The following IGSF3 variants were observed in gnomAD, a reference collection of about 807,000 sequenced individuals.
The protein encoded by IGSF3 is glu-Trp-Ile EWI motif-containing protein 3.
IGSF3 carries 23 observed loss-of-function variants against 114.4 expected under a neutral mutation model. That is an observed-to-expected ratio of 0.20 (90% CI 0.14 to 0.28). The LOEUF is 0.28. Among genes scored for constraint, IGSF3 ranks in the 10% least tolerant of loss-of-function variants. IGSF3 has a pLI of 1.00. For missense variants in IGSF3, 1,172 were observed against 1,591.5 expected, an observed-to-expected ratio of 0.74 and a Z score of 4.48; for synonymous variants, 571 against 645.2, an observed-to-expected ratio of 0.88 and a Z score of 1.74.
Position 116,614,162 on chromosome 1 carries a change from G to C in IGSF3, c.435C>G (p.Ser145=). ...AKMNLVVIPD[S]LQTTAMPQTL... The stretch of plus-strand genomic sequence containing the variant: ...TCTGGGGCATGGCAGTGGTCTGCAG[G>C]GAGTCTGGGATCACTGCAACACAGA... Residue 145 remains serine, a synonymous_variant, in exon 4 of 11, where the codon TCC becomes TCG. Coordinates refer to ENST00000369486, the MANE Select transcript of IGSF3 (RefSeq NM_001007237.3). This position sits in a 1 kb window ranked among gnomAD's most constrained non-coding sequence, Gnocchi z 4.5. 6.2e-7 allele frequency: 1 copy of C among 1,609,056 alleles called. No homozygotes were observed. Among genetic ancestry groups the C allele is most frequent in the Non-Finnish European group, 8.5e-7 (1 of 1,176,480 alleles).
chr1:116,619,407 T>C (rs1156402861), intron 2 of IGSF3, among the ~76,000 whole-genome samples: 1 of 152,180 alleles, frequency 6.6e-6, no homozygotes, highest in Non-Finnish European at 1.5e-5. Context: ...TCAACTTGTC[T>C]AGGCTGGAAG....
chr1:116,642,467 G>C lies in IGSF3; in HGVS notation c.43+23817C>G, dbSNP rs1016620410. Among the ~76,000 whole-genome samples, 9 of 152,250 alleles carry C rather than the reference G, an allele frequency of 5.9e-5. No homozygotes were observed. The East Asian group carries it at 1.5e-3, about 26-fold the overall frequency. ...GGAAGGGGCTCAGGCACTGGGAGTCGGTCAGGGCTCCCAGAATGTAAAAGA... is the reference window on the plus strand; with the variant it reads ...GGAAGGGGCTCAGGCACTGGGAGTCCGTCAGGGCTCCCAGAATGTAAAAGA... On this transcript the variant is annotated intron_variant, in intron 2 of 10. Transcript: ENST00000369486. This position sits in a 1 kb window ranked among gnomAD's most constrained non-coding sequence, Gnocchi z 5.4.
In IGSF3 at chr1:116,575,924, G is replaced by GA. The variant is rs1659322577; in HGVS notation, c.*1387dup. ...ACAAGAGAGATCAAGAAAGGGAAAGGAAAAATCCCACAGACAATGCCTTGT... is the reference window on the plus strand; with the variant it reads ...ACAAGAGAGATCAAGAAAGGGAAAGGAAAAAATCCCACAGACAATGCCTTGT... On this transcript the variant is annotated 3_prime_UTR_variant, in exon 11 of 11. Transcript: ENST00000369486. This position sits in a 1 kb window ranked among gnomAD's most constrained non-coding sequence, Gnocchi z 5.6. 6.6e-6 allele frequency: 1 copy of GA among 152,114 alleles called. No individual in the cohort carries two copies. Among genetic ancestry groups the GA allele is most frequent in the Non-Finnish European group, 1.5e-5 (1 of 68,066 alleles). The allele number at this position is 152,114 out of a possible 1,614,324, so 9.4% of individuals were successfully genotyped here.
chr1:116,644,223 C>G lies in IGSF3; in HGVS notation c.43+22061G>C, dbSNP rs1050820569. ...ACAGAAACACCACAGCAGAGCAGAA[C>G]TGCAACCTGATAGCATCCCTGTCTG... On this transcript the variant is annotated intron_variant, in intron 2 of 10. Coordinates refer to ENST00000369486, the MANE Select transcript of IGSF3 (RefSeq NM_001007237.3). This position sits in a 1 kb window ranked among gnomAD's most constrained non-coding sequence, Gnocchi z 5.6. Among the ~76,000 whole-genome samples the G allele has an allele frequency of 6.6e-6, 1 of 152,262 alleles. No homozygotes were observed. Among genetic ancestry groups the G allele is most frequent in the Non-Finnish European group, 1.5e-5 (1 of 68,046 alleles).
In IGSF3 at chr1:116,654,935, C is replaced by T. The variant is rs962058381; in HGVS notation, c.43+11349G>A. On this transcript the variant is annotated intron_variant, in intron 2 of 10. Transcript: ENST00000369486. The surrounding 1 kb of genome is among the most constrained non-coding windows in gnomAD (Gnocchi z 4.4). ...CATCATCTTACTCCTACAGATACCC[C>T]CTCTTCCTGGTGGCACCGGGCATTG... 5.9e-5 allele frequency among the ~76,000 whole-genome samples: 9 copies of T among 152,106 alleles called. No individual in the cohort carries two copies. The highest frequency in any genetic ancestry group is 2.2e-4 in the African/African-American group (9 of 41,380).
intron 2 of IGSF3, among the ~76,000 whole-genome samples, chr1:116,663,498 CAGAGCCA>C (rs1649197774): frequency 6.7e-6 from 1 of 148,734 alleles, no homozygotes; most frequent in East Asian, 2.2e-4. Context: ...GTTGTGGTGG[CAGAGCCA>C]TGCACTGCCA....
In IGSF3 at chr1:116,584,935, T is replaced by G; in HGVS notation, c.2558A>C (p.Glu853Ala). The G allele has an allele frequency of 6.2e-7, 1 of 1,613,358 alleles. No homozygotes were observed. Among genetic ancestry groups the G allele is most frequent in the Non-Finnish European group, 8.5e-7 (1 of 1,179,332 alleles). Residue 853 changes from glutamate (E) to alanine (A), a missense_variant, in exon 9 of 11, where the codon GAA (glutamate) becomes GCA (alanine). By Grantham distance (107) the Glu-to-Ala change is moderately radical. Coordinates refer to ENST00000369486, the MANE Select transcript of IGSF3 (RefSeq NM_001007237.3). The surrounding 1 kb of genome is among the most constrained non-coding windows in gnomAD (Gnocchi z 5.8). ...GTGGTTGGGCTTCCATACAAACCAT[T>G]CCACCATGAGCTGGGAGGTTATGCT... is the stretch of plus-strand genomic sequence containing the variant. ...RTSITSQLMV[E>A]WFVWKPNHPE...
Position 116,596,396 on chromosome 1 carries a change from A to G in IGSF3, c.2029+3545T>C, listed in dbSNP as rs1660347496. On this transcript the variant is annotated intron_variant, in intron 7 of 10. Coordinates refer to ENST00000369486, the MANE Select transcript of IGSF3 (RefSeq NM_001007237.3). This position sits in a 1 kb window ranked among gnomAD's most constrained non-coding sequence, Gnocchi z 4.1. ...GGGCAAGGTACGCAGGGAGAGCAAA[A>G]GAAGAGAGGACAGCGCTGGTTCGGA... 6.6e-6 allele frequency among the ~76,000 whole-genome samples: 1 copy of G among 152,224 alleles called. No individual in the cohort carries two copies. The highest frequency in any genetic ancestry group is 2.4e-5 in the African/African-American group (1 of 41,460).
intron 2 of IGSF3, among the ~76,000 whole-genome samples, chr1:116,646,542 T>C (rs1648381285): frequency 1.3e-5 from 2 of 152,274 alleles, no homozygotes; most frequent in African/African-American, 4.8e-5. Context: ...CTTAATTCAT[T>C]GAGAAGGCAG....
chr1:116,649,183 GC>G lies in IGSF3; in HGVS notation c.43+17100del, dbSNP rs1391456865. On this transcript the variant is annotated intron_variant, in intron 2 of 10. Coordinates refer to ENST00000369486, the MANE Select transcript of IGSF3 (RefSeq NM_001007237.3). The surrounding 1 kb of genome is among the most constrained non-coding windows in gnomAD (Gnocchi z 4.5). Reference sequence around the variant, plus strand: ...AAGGACAGCCCTCCCCGTCTTGGCAGCCACACTTTCTGGCCCTAGCCCAAGG... The same window carrying G: ...AAGGACAGCCCTCCCCGTCTTGGCAGCACACTTTCTGGCCCTAGCCCAAGG... Among the ~76,000 whole-genome samples, 1 of 152,232 alleles carries G rather than the reference GC, an allele frequency of 6.6e-6. No homozygotes were observed. The highest frequency in any genetic ancestry group is 2.4e-5 in the African/African-American group (1 of 41,456).
rs1661288167 is a variant in IGSF3, at chr1:116,618,190, G to C, written c.44-1733C>G. On this transcript the variant is annotated intron_variant, in intron 2 of 10. Transcript: ENST00000369486. The surrounding 1 kb of genome is among the most constrained non-coding windows in gnomAD (Gnocchi z 4.7). ...TTCCTCACAAACAAAATCTTACACAGAACCCCATCTTGGCTTCAGCAGAAT... is the reference window on the plus strand; with the variant it reads ...TTCCTCACAAACAAAATCTTACACACAACCCCATCTTGGCTTCAGCAGAAT... Among the ~76,000 whole-genome samples the C allele has an allele frequency of 6.6e-6, 1 of 152,178 alleles. No homozygotes were observed. Among genetic ancestry groups the C allele is most frequent in the Admixed American group, 6.5e-5 (1 of 15,282 alleles).
rs1159979792 is a variant in IGSF3, at chr1:116,661,386, G to A, written c.43+4898C>T. On this transcript the variant is annotated intron_variant, in intron 2 of 10. Coordinates refer to ENST00000369486, the MANE Select transcript of IGSF3 (RefSeq NM_001007237.3). The surrounding 1 kb of genome is among the most constrained non-coding windows in gnomAD (Gnocchi z 4.0). ...AATGAACATGACAGATGGTCTTCAA[G>A]AATTTTATACAGAAGGTCATGCTAT... Among the ~76,000 whole-genome samples the A allele has an allele frequency of 6.6e-6, 1 of 152,206 alleles. No individual in the cohort carries two copies. The highest frequency in any genetic ancestry group is 1.9e-4 in the East Asian group (1 of 5,204).
chr1:116,579,962 T>C lies in IGSF3; in HGVS notation c.2849-85A>G. The C allele has an allele frequency of 1.7e-6, 2 of 1,170,878 alleles. No individual in the cohort carries two copies. Among genetic ancestry groups the C allele is most frequent in the Non-Finnish European group, 2.4e-6 (2 of 846,030 alleles). 72.5% of individuals were successfully genotyped at this position (1,170,878 alleles called of 1,614,324 possible). On this transcript the variant is annotated intron_variant, in intron 9 of 10. Transcript: ENST00000369486. This position sits in a 1 kb window ranked among gnomAD's most constrained non-coding sequence, Gnocchi z 6.4. ...AACTAAATGTCCATCATTAAACACA[T>C]GATAGTAACATCCATACTATAAGAT...
chr1:116,623,806 C>T (rs1353285651), intron 2 of IGSF3, among the ~76,000 whole-genome samples: 1 of 151,192 alleles, frequency 6.6e-6, no homozygotes, highest in Non-Finnish European at 1.5e-5. Flanking sequence ...TCCCTTGAGG[C>T]CAGGCACAGT....
chr1:116,584,618 T>G lies in IGSF3; in HGVS notation c.2848+27A>C. 1.9e-6 allele frequency: 3 copies of G among 1,611,730 alleles called. No homozygotes were observed. The highest frequency in any genetic ancestry group is 2.5e-6 in the Non-Finnish European group (3 of 1,178,082). On this transcript the variant is annotated intron_variant, in intron 9 of 10. Transcript: ENST00000369486. This position sits in a 1 kb window ranked among gnomAD's most constrained non-coding sequence, Gnocchi z 5.8. Reference sequence around the variant, plus strand: ...CTTAAATGGGAAACACCAGAGGGAGTGGAAGCTTGGGGACGTGGACCCTCA... The same window carrying G: ...CTTAAATGGGAAACACCAGAGGGAGGGGAAGCTTGGGGACGTGGACCCTCA...
chr1:116,620,661 A>G (rs1661387967), intron 2 of IGSF3, among the ~76,000 whole-genome samples: 1 of 152,192 alleles, frequency 6.6e-6, no homozygotes, highest in South Asian at 2.1e-4. Flanking sequence ...AGCTAGCACT[A>G]ACTTGCTAGC....
chr1:116,656,785 G>A (rs578248647), intron 2 of IGSF3, among the ~76,000 whole-genome samples: 253 of 152,076 alleles, frequency 1.7e-3, no homozygotes, highest in African/African-American at 5.9e-3. Flanking sequence ...AAAATTAGCC[G>A]GGCGTGGTGG....
chr1:116,611,188 T>C (rs1352635233), intron 4 of IGSF3, among the ~76,000 whole-genome samples: 2 of 152,224 alleles, frequency 1.3e-5, no homozygotes, highest in African/African-American at 4.8e-5. Flanking sequence ...TCTGAAACCC[T>C]GATCTGATTG....
Position 116,615,303 on chromosome 1 carries a change from A to G in IGSF3, c.421+777T>C, listed in dbSNP as rs1378095506. 1.3e-5 allele frequency among the ~76,000 whole-genome samples: 2 copies of G among 150,680 alleles called. No homozygotes were observed. The highest frequency in any genetic ancestry group is 3.0e-5 in the Non-Finnish European group (2 of 67,758). On this transcript the variant is annotated intron_variant, in intron 3 of 10. Coordinates refer to ENST00000369486, the MANE Select transcript of IGSF3 (RefSeq NM_001007237.3). This position sits in a 1 kb window ranked among gnomAD's most constrained non-coding sequence, Gnocchi z 4.3. ...TACACACATACACACACACACACACACACGAAAAAAAAAAGGTCTCCTGCT... is the reference window on the plus strand; with the variant it reads ...TACACACATACACACACACACACACGCACGAAAAAAAAAAGGTCTCCTGCT...
Sources: gnomAD v4.1 joint callset for allele counts (sites outside exome capture counted in the v4.1 genomes callset) on GRCh38, gnomAD v4.1.1 for gene constraint, Gnocchi (gnomAD v3.1) non-coding constraint, MANE v1.5 for transcripts, NCBI Gene and HGNC (gene_info 2026-07-23, HGNC 2026-07-21) for gene names.